Variants in UGGT1 observed in about 807,000 individuals in gnomAD.
UGGT1 encodes the protein UDP-glucose:glycoprotein glucosyltransferase 1.
A neutral mutation model predicts 203.9 loss-of-function variants in UGGT1; 107 were observed. The ratio of observed to expected loss-of-function variants is 0.52; its 90% CI spans 0.45 to 0.62. The LOEUF is 0.62. Ranked by LOEUF, UGGT1 falls within the 20% of genes least tolerant of loss-of-function variation. The pLI, the probability that UGGT1 is intolerant of heterozygous loss-of-function variation, is 0.00. For synonymous variants in UGGT1, 628 were observed against 653.5 expected (o/e 0.96, Z 0.59); for missense variants, 1,673 against 1,867.2 (o/e 0.90, Z 1.92).
intron 18 of UGGT1, chr2:128,151,051 A>G (rs1445634093): frequency 1.4e-5 from 3 of 220,834 alleles, no homozygotes; most frequent in Non-Finnish European, 2.8e-5. Flanking sequence ...GGGTTTTGCC[A>G]TTTTGGCTAG....
Position 128,168,859 on chromosome 2 carries a change from C to T in UGGT1, c.2922-1429C>T, listed in dbSNP as rs759287352. On this transcript the variant is annotated intron_variant, in intron 26 of 40. Coordinates refer to ENST00000259253, the MANE Select transcript of UGGT1 (RefSeq NM_020120.4). ...GCCAGGAGTTCAAGACCAGCCTGGC[C>T]AACATGGCAAAACACCGTCTCTACT... Among the ~76,000 whole-genome samples the T allele has an allele frequency of 1.3e-4, 19 of 151,808 alleles. 1 individual carries two copies. Among genetic ancestry groups the T allele is most frequent in the Non-Finnish European group, 2.1e-4 (14 of 67,950 alleles).
At position 128,173,877 on chromosome 2, in the gene UGGT1, C is replaced by T; in HGVS notation, c.3391C>T (p.Gln1131Ter). Residue 1131 changes from glutamine to a stop codon, truncating the protein, a stop_gained, in exon 30 of 41, where the codon CAG becomes TAG. Transcript: ENST00000259253. LOFTEE classifies it high-confidence loss of function. The stretch of plus-strand genomic sequence containing the variant: ...CACAGGCCAGCCTCCACGGGGACTA[C>T]AGTTTACCTTAGGAACTTCAGCCAA... The part of the protein sequence containing the change: ...ITTGQPPRGL[Q>*]FTLGTSANPV... 6.2e-7 allele frequency: 1 copy of T among 1,614,184 alleles called. No individual in the cohort carries two copies. The highest frequency in any genetic ancestry group is 8.5e-7 in the Non-Finnish European group (1 of 1,180,028).
At chr2:128,093,575 A>T (rs1235365736) in intron 1 of UGGT1, among the ~76,000 whole-genome samples, 1 of 152,064 alleles carries the variant, frequency 6.6e-6, no homozygotes, top group African/African-American at 2.4e-5. Flanking sequence ...TTTCTCAGCC[A>T]CCTGTCTCCC....
In UGGT1 at chr2:128,132,409, G is replaced by A. The variant is rs1344681223; in HGVS notation, c.1378-732G>A. 6.6e-5 allele frequency among the ~76,000 whole-genome samples: 10 copies of A among 151,986 alleles called. 1 individual carries two copies. The highest frequency in any genetic ancestry group is 4.2e-4 in the South Asian group (2 of 4,816). ...CTAAAAGTACAAAAATTCACTGGGC[G>A]TGTTGGTGGGTGCCTGTAATTCCAG... On this transcript the variant is annotated intron_variant, in intron 13 of 40. Coordinates refer to ENST00000259253, the MANE Select transcript of UGGT1 (RefSeq NM_020120.4).
rs530366224 is a variant in UGGT1, at chr2:128,110,063, A to G, written c.521+317A>G. Among the ~76,000 whole-genome samples the G allele has an allele frequency of 7.5e-4, 114 of 152,332 alleles. 1 individual carries two copies. The highest frequency in any genetic ancestry group is 2.7e-3 in the African/African-American group (111 of 41,572). ...TTTTGTCATTGGCTTAGTAAGGAAT[A>G]CTGTGTGTATTAAAGCCAATGCCTG... On this transcript the variant is annotated intron_variant, in intron 5 of 40. Transcript: ENST00000259253.
At chr2:128,186,648 A>G (rs749158910) in intron 38 of UGGT1, 35 bp from the exon 39 acceptor site, 2 of 1,505,650 alleles carry the variant, frequency 1.3e-6, no homozygotes, top group Admixed American at 1.8e-5. Context: ...CTTTAGATAC[A>G]TGTATTTTAT....
chr2:128,142,993 AAAAT>A, intron 16 of UGGT1, 97 bp from the exon 17 acceptor site: 1 of 1,273,056 alleles, frequency 7.9e-7, no homozygotes, highest in East Asian at 2.7e-5. Context: ...AAAAAAAAGA[AAAAT>A]AAGTATATTT....
chr2:128,118,007 AG>A, intron 8 of UGGT1, among the ~76,000 whole-genome samples: 1 of 151,522 alleles, frequency 6.6e-6, no homozygotes, highest in African/African-American at 2.4e-5. Flanking sequence ...AGAGAGAGAG[AG>A]AGAGAGAGGG....
intron 29 of UGGT1, among the ~76,000 whole-genome samples, chr2:128,173,046 C>G (rs1253324102): frequency 6.6e-6 from 1 of 152,196 alleles, no homozygotes; most frequent in Non-Finnish European, 1.5e-5. Context: ...AGTCACTCTT[C>G]ATTTCCCCAG....
intron 34 of UGGT1, among the ~76,000 whole-genome samples, chr2:128,179,470 G>A (rs1474909344): frequency 6.6e-6 from 1 of 152,102 alleles, no homozygotes; most frequent in East Asian, 1.9e-4. Context: ...GATTTCCAGG[G>A]TTCATCTGGA....
In UGGT1 at chr2:128,190,461, C is replaced by G. The variant is rs971136873; in HGVS notation, c.*719C>G. 1.3e-5 allele frequency: 2 copies of G among 152,174 alleles called. No individual in the cohort carries two copies. The highest frequency in any genetic ancestry group is 4.8e-5 in the African/African-American group (2 of 41,434). The allele number at this position is 152,174 out of a possible 1,614,324, so 9.4% of individuals were successfully genotyped here. On this transcript the variant is annotated 3_prime_UTR_variant, in exon 41 of 41. Coordinates refer to ENST00000259253, the MANE Select transcript of UGGT1 (RefSeq NM_020120.4). Reference sequence around the variant, plus strand: ...AGAACTGGCCATCCTCTTTTATAATCCATTAGTAGCACCATGGCTCATTTG... The same window carrying G: ...AGAACTGGCCATCCTCTTTTATAATGCATTAGTAGCACCATGGCTCATTTG...
chr2:128,158,124 G>A (rs976485913), intron 22 of UGGT1, among the ~76,000 whole-genome samples: 1 of 152,204 alleles, frequency 6.6e-6, no homozygotes, highest in Non-Finnish European at 1.5e-5. Context: ...CTAGCTAAGG[G>A]CGATAGTTAT....
chr2:128,100,887 A>G (rs1028556697), intron 2 of UGGT1, among the ~76,000 whole-genome samples: 1 of 152,214 alleles, frequency 6.6e-6, no homozygotes, highest in African/African-American at 2.4e-5. Context: ...TAATTGCTCA[A>G]TATTTTCAGT....
In UGGT1 at chr2:128,179,873, T is replaced by A; in HGVS notation, c.3900+3T>A. On this transcript the variant is annotated splice_donor_region_variant and intron_variant, in intron 35 of 40. Coordinates refer to ENST00000259253, the MANE Select transcript of UGGT1 (RefSeq NM_020120.4). ...ATTACTTGTCCCCCACATTTAAGGT[T>A]TGTTTCACAGAGAAAGGGAAAACAT... 6.2e-7 allele frequency: 1 copy of A among 1,610,638 alleles called. No homozygotes were observed. The highest frequency in any genetic ancestry group is 2.2e-5 in the East Asian group (1 of 44,824).
In UGGT1 at chr2:128,172,600, G is replaced by T. The variant is rs982579409; in HGVS notation, c.3132G>T (p.Glu1044Asp). ...TTTACCGTTATGTCTTAGAACCAGA[G>T]ATTTCTTTCACTTCAGACAATAGTT... ...KSFYRYVLEP[E>D]ISFTSDNSFA... Residue 1044 changes from glutamate (E) to aspartate (D), a missense_variant, in exon 29 of 41, where the codon GAG (glutamate) becomes GAT (aspartate). By Grantham distance (45) the Glu-to-Asp change is conservative. Around this residue, in one of 4 missense-constraint regions of UGGT1, gnomAD observed 513 missense variants for 684.1 expected, o/e 0.75. Transcript: ENST00000259253. The T allele has an allele frequency of 2.5e-6, 4 of 1,613,928 alleles. No individual in the cohort carries two copies. The highest frequency in any genetic ancestry group is 1.7e-5 in the Admixed American group (1 of 59,994).
At position 128,177,828 on chromosome 2, in the gene UGGT1, G is replaced by A; in HGVS notation, c.3625-4G>A. 3 of 1,595,606 alleles carry A rather than the reference G, an allele frequency of 1.9e-6. No homozygotes were observed. The highest frequency in any genetic ancestry group is 2.6e-6 in the Non-Finnish European group (3 of 1,171,766). On this transcript the variant is annotated splice_region_variant and splice_polypyrimidine_tract_variant and intron_variant, in intron 32 of 40. Coordinates refer to ENST00000259253, the MANE Select transcript of UGGT1 (RefSeq NM_020120.4). ...GGAGTAAGGTTTATCACATTTGATT[G>A]CAGGTTCAGAAGAAGGCAGATATGG...
chr2:128,132,219 GA>G (rs1318073877), intron 13 of UGGT1, among the ~76,000 whole-genome samples: 1 of 147,166 alleles, frequency 6.8e-6, no homozygotes, highest in Non-Finnish European at 1.5e-5. Context: ...TTTTTTTTCC[GA>G]TTTTTTTTTA....
intron 9 of UGGT1, 111 bp from the exon 10 acceptor site, chr2:128,121,088 G>A (rs1022327895): frequency 2.0e-6 from 2 of 1,007,600 alleles, no homozygotes; most frequent in South Asian, 1.4e-5. Context: ...GGTTGCATTC[G>A]AAGATATTCT....
chr2:128,136,222 A>T (rs995500966), intron 15 of UGGT1, among the ~76,000 whole-genome samples: 99 of 152,332 alleles, frequency 6.5e-4, no homozygotes, highest in African/African-American at 2.2e-3. Flanking sequence ...TTGATACATT[A>T]TTATTAACTA....
Sources: gnomAD v4.1 joint callset for allele counts (sites outside exome capture counted in the v4.1 genomes callset) on GRCh38, gnomAD v4.1.1 for gene constraint, gnomAD v4.1.1 regional missense constraint, MANE v1.5 for transcripts, NCBI Gene and HGNC (gene_info 2026-07-23, HGNC 2026-07-21) for gene names.